Variants in ATRX observed in about 807,000 individuals in gnomAD.
ATRX encodes ATRX chromatin remodeler, also known as chromatin remodeler ATRX.
In ATRX, 12 loss-of-function variants were observed where a neutral mutation model predicts 172.6. That is an observed-to-expected ratio of 0.07 (90% CI 0.04 to 0.11). ATRX has a LOEUF of 0.11. Ranked by LOEUF, ATRX falls within the 10% of genes least tolerant of loss-of-function variation. The pLI, the probability that ATRX is intolerant of heterozygous loss-of-function variation, is 1.00. For missense variants in ATRX, 1,368 were observed against 1,767.4 expected (o/e 0.77, Z 4.05); for synonymous variants, 674 against 594.7 (o/e 1.13, Z -1.94).
intron 1 of ATRX, among the ~76,000 whole-genome samples, chrX:77,778,710 GACT>G (rs1369398189): frequency 9.9e-6 from 1 of 100,809 alleles, no homozygotes; most frequent in African/African-American, 3.6e-5. Context: ...GACAGAGCGA[GACT>G]ACGTCTCAAA....
Position 77,619,045 on chromosome X carries a change from C to T in ATRX, c.5273-64G>A. The T allele has an allele frequency of 3.6e-6, 3 of 835,242 alleles. No homozygotes were observed. In the South Asian group the frequency reaches 7.1e-5, roughly 20 times the overall value. The allele number at this position is 835,242 out of a possible 1,213,427, so 68.8% of individuals were successfully genotyped here. ...TCGTTAAAAAGACTTAGAAAAATTC[C>T]CCAATGAAATGCTCATGTCAAAAAC... is the stretch of plus-strand genomic sequence containing the variant. On this transcript the variant is annotated intron_variant, in intron 20 of 34. Coordinates refer to ENST00000373344, the MANE Select transcript of ATRX (RefSeq NM_000489.6).
intron 29 of ATRX, 149 bp from the exon 30 acceptor site, chrX:77,557,794 C>G: frequency 2.1e-6 from 1 of 486,331 alleles, no homozygotes; most frequent in Non-Finnish European, 3.4e-6. Flanking sequence ...AGCAATTTTG[C>G]TTAATTCATG....
At chrX:77,588,493 T>A (rs2066116310) in intron 27 of ATRX, among the ~76,000 whole-genome samples, 1 of 111,812 alleles carries the variant, frequency 8.9e-6, no homozygotes, top group African/African-American at 3.3e-5. Context: ...GATGGCCAGG[T>A]ATGGTGGCTC....
chrX:77,677,464 A>T (rs1442919391), intron 9 of ATRX, among the ~76,000 whole-genome samples: 1 of 111,696 alleles, frequency 9.0e-6, no homozygotes, highest in Non-Finnish European at 1.9e-5. Context: ...CTGGTTTGAT[A>T]TATCGGTTGT....
chrX:77,605,539 A>T (rs112962872), intron 22 of ATRX, among the ~76,000 whole-genome samples: 16,651 of 110,971 alleles, frequency 0.15, 1,251 homozygotes, highest in Non-Finnish European at 0.22. Flanking sequence ...TAGCTTCAAA[A>T]CTGAATTCTA....
At chrX:77,659,036 T>TA (rs1399159563) in intron 12 of ATRX, among the ~76,000 whole-genome samples, 9 of 111,673 alleles carry the variant, frequency 8.1e-5, no homozygotes, top group African/African-American at 2.9e-4. Flanking sequence ...ACATAAATGC[T>TA]ATAAAGAAAT....
intron 1 of ATRX, among the ~76,000 whole-genome samples, chrX:77,768,320 T>G (rs2076045372): frequency 1.8e-5 from 2 of 111,742 alleles, no homozygotes; most frequent in Admixed American, 9.6e-5. Context: ...GGTCCCAGGG[T>G]AAGGAAAGAC....
chrX:77,523,119 C>A, intron 31 of ATRX, 133 bp downstream of exon 31: 1 of 868,562 alleles, frequency 1.2e-6, no homozygotes, highest in Admixed American at 2.4e-5. Context: ...TAAAGAGATT[C>A]TTGTAATTGG....
intron 3 of ATRX, 53 bp downstream of exon 3, chrX:77,698,521 T>C: frequency 2.8e-6 from 3 of 1,079,361 alleles, no homozygotes; most frequent in Non-Finnish European, 3.9e-6. Context: ...TAAAGACATA[T>C]GCTCTACTTG....
At chrX:77,595,236 T>C (rs1858204568) in intron 25 of ATRX, 1 of 111,338 alleles carries the variant, frequency 9.0e-6, no homozygotes, top group Admixed American at 9.6e-5. Context: ...ATACTTTCTG[T>C]TCCTAGCTTT....
At chrX:77,573,370 G>T (rs1307003257) in intron 28 of ATRX, among the ~76,000 whole-genome samples, 2 of 111,378 alleles carry the variant, frequency 1.8e-5, no homozygotes, top group African/African-American at 6.5e-5. Context: ...TGACAAAATT[G>T]CCTAATGATG....
Position 77,650,854 on chromosome X carries a change from T to C in ATRX, c.4557+1260A>G, listed in dbSNP as rs1037059154. ...CCACCCGCCTCAGCCTCCCAAAGTG[T>C]TGGGATTACAGGCGTGAGCCACCGC... On this transcript the variant is annotated intron_variant, in intron 15 of 34. Transcript: ENST00000373344. 4.5e-5 allele frequency among the ~76,000 whole-genome samples: 5 copies of C among 111,872 alleles called. No homozygotes were observed. The South Asian group carries it at 1.1e-3, about 25-fold the overall frequency.
At chrX:77,697,492 G>A (rs1413980505) in intron 4 of ATRX, 91 bp downstream of exon 4, 6 of 895,120 alleles carry the variant, frequency 6.7e-6, no homozygotes, top group African/African-American at 2.0e-5. Flanking sequence ...CAGAATAGTG[G>A]TTGACATGAG....
At chrX:77,724,279 A>G (rs782673634) in intron 1 of ATRX, among the ~76,000 whole-genome samples, 1 of 110,466 alleles carries the variant, frequency 9.1e-6, no homozygotes, top group South Asian at 3.9e-4. Flanking sequence ...TCCATCTCAA[A>G]TAAATAAATA....
intron 9 of ATRX, among the ~76,000 whole-genome samples, chrX:77,678,396 C>A (rs2148554430): frequency 8.9e-6 from 1 of 112,360 alleles, no homozygotes; most frequent in East Asian, 2.8e-4. Context: ...CTTTGAAGTT[C>A]AAATGCCAAC....
chrX:77,653,946 T>C (rs2069410022), intron 14 of ATRX, 152 bp downstream of exon 14: 1 of 424,183 alleles, frequency 2.4e-6, no homozygotes, highest in African/African-American at 2.5e-5. Flanking sequence ...TACTTTTACA[T>C]ATATATATTC....
chrX:77,574,219 T>C, intron 28 of ATRX, 31 bp downstream of exon 28: 1 of 882,644 alleles, frequency 1.1e-6, no homozygotes, highest in Non-Finnish European at 1.7e-6. Flanking sequence ...ATTATTTTAA[T>C]GTTTCTACAT....
intron 34 of ATRX, among the ~76,000 whole-genome samples, chrX:77,519,575 A>G (rs2063159662): frequency 9.0e-6 from 1 of 111,181 alleles, no homozygotes; most frequent in African/African-American, 3.3e-5. Context: ...TCTCTACAAA[A>G]CCAACCAACC....
intron 1 of ATRX, among the ~76,000 whole-genome samples, chrX:77,743,572 C>G (rs1445347520): frequency 3.6e-5 from 4 of 111,537 alleles, no homozygotes; most frequent in African/African-American, 6.5e-5. Flanking sequence ...AGGGATAACA[C>G]CCTACCAGTA....
Sources: gnomAD v4.1 joint callset for allele counts (sites outside exome capture counted in the v4.1 genomes callset) on GRCh38, gnomAD v4.1.1 for gene constraint, MANE v1.5 for transcripts, NCBI Gene and HGNC (gene_info 2026-07-23, HGNC 2026-07-21) for gene names.